BARD1: variants seen among roughly 807,000 people sequenced by gnomAD.
The protein encoded by BARD1 is BRCA1-associated RING domain protein 1.
In BARD1, 73 loss-of-function variants were observed where a neutral mutation model predicts 77.0. The observed-to-expected ratio is 0.95, with a 90% CI of 0.79 to 1.15. The LOEUF (loss-of-function observed/expected upper bound fraction) is 1.15. BARD1 is among the 50% of genes most tolerant of loss of function. The pLI, the probability that BARD1 is intolerant of heterozygous loss-of-function variation, is 0.00. For synonymous variants in BARD1, 384 were observed against 338.0 expected (o/e 1.14, Z -1.49); for missense variants, 993 against 938.8 (o/e 1.06, Z -0.75).
Position 214,809,399 on chromosome 2 carries a change from G to A in BARD1, c.158+13C>T, listed in dbSNP as rs1696451106. 1 of 1,612,262 alleles carries A rather than the reference G, an allele frequency of 6.2e-7. No homozygotes were observed. Among genetic ancestry groups the A allele is most frequent in the African/African-American group, 1.3e-5 (1 of 74,930 alleles). ...GTGCCCTCGCAGCCACCCCCAAGAA[G>A]CTCCGTCTTTACCAACGCGAGCAGC... On this transcript the variant is annotated intron_variant, in intron 1 of 10. Transcript: ENST00000260947.
At chr2:214,803,975 T>G (rs747163852) in intron 1 of BARD1, among the ~76,000 whole-genome samples, 21 of 152,168 alleles carry the variant, frequency 1.4e-4, no homozygotes, top group Non-Finnish European at 2.8e-4. Flanking sequence ...CCATCTGAGA[T>G]GATAATACCA....
In BARD1 at chr2:214,780,973, C is replaced by G; in HGVS notation, c.901G>C (p.Glu301Gln). 6.2e-7 allele frequency: 1 copy of G among 1,613,590 alleles called. No individual in the cohort carries two copies. Among genetic ancestry groups the G allele is most frequent in the Non-Finnish European group, 8.5e-7 (1 of 1,179,736 alleles). The change falls in exon 4 of 11, where the codon GAG (glutamate) becomes CAG (glutamine). Residue 301 changes from glutamate to glutamine, a missense_variant. By Grantham distance (29) the Glu-to-Gln change is conservative. Coordinates refer to ENST00000260947, the MANE Select transcript of BARD1 (RefSeq NM_000465.4). ...TKSRNEVVTP[E>Q]KVCKNYLTSK... ...GTAAGATAATTTTTGCAGACCTTCT[C>G]AGGAGTCACTACTTCATTCCTGCTC...
intron 7 of BARD1, 107 bp downstream of exon 7, chr2:214,752,336 ATTGT>A (rs1170453155): frequency 1.2e-6 from 1 of 848,812 alleles, no homozygotes; most frequent in Admixed American, 1.9e-5. Context: ...GTGCTCAATA[ATTGT>A]TTGGTGAATG....
Position 214,728,651 on chromosome 2 carries a change from T to A in BARD1, c.*25A>T, listed in dbSNP as rs748565548. ...CTCTCACAAACCGTGCAAATTCAAT[T>A]TGAAATGTTCATCTGGTATAATATT... On this transcript the variant is annotated 3_prime_UTR_variant, in exon 11 of 11. Transcript: ENST00000260947. The A allele has an allele frequency of 6.2e-7, 1 of 1,612,418 alleles. No homozygotes were observed. The highest frequency in any genetic ancestry group is 1.1e-5 in the South Asian group (1 of 90,976).
chr2:214,756,159 G>A (rs1208374968), intron 6 of BARD1, among the ~76,000 whole-genome samples: 1 of 152,118 alleles, frequency 6.6e-6, no homozygotes, highest in Non-Finnish European at 1.5e-5. Context: ...GAAGTGACTG[G>A]ATCATGGGGG....
chr2:214,798,749 G>A (rs1022409240), intron 1 of BARD1, among the ~76,000 whole-genome samples: 4 of 141,396 alleles, frequency 2.8e-5, no homozygotes, highest in African/African-American at 1.1e-4. Flanking sequence ...CACTCAGGCT[G>A]CGAATAACCA....
rs568305044 is a variant in BARD1, at chr2:214,780,756, C to T, written c.1118G>A (p.Gly373Asp). Reference protein sequence around the residue: ...SSPPSCKRKVGGTSGRKNSNM... With the variant: ...SSPPSCKRKVDGTSGRKNSNM... ...ACTGTTTTTCCTCCCTGATGTACCA[C>T]CAACTTTACGTTTGCATGAAGGTGG... is the stretch of plus-strand genomic sequence containing the variant. Residue 373 changes from glycine to aspartate, a missense_variant, in exon 4 of 11, where the codon GGT becomes GAT. Transcript: ENST00000260947. 2 of 1,614,024 alleles carry T rather than the reference C, an allele frequency of 1.2e-6. No homozygotes were observed. Among genetic ancestry groups the T allele is most frequent in the African/African-American group, 1.3e-5 (1 of 75,028 alleles).
At chr2:214,744,998 G>C in intron 9 of BARD1, 69 bp downstream of exon 9, 1 of 1,282,262 alleles carries the variant, frequency 7.8e-7, no homozygotes, top group African/African-American at 1.5e-5. Context: ...CTTAATCACA[G>C]GCATTAATAA....
intron 4 of BARD1, among the ~76,000 whole-genome samples, chr2:214,771,319 C>T (rs1464569559): frequency 6.6e-6 from 1 of 152,192 alleles, no homozygotes; most frequent in East Asian, 1.9e-4. Context: ...GAATAAATCT[C>T]TCCCCACCCA....
intron 6 of BARD1, among the ~76,000 whole-genome samples, chr2:214,760,345 G>A (rs1200752841): frequency 4.0e-5 from 6 of 151,680 alleles, no homozygotes; most frequent in East Asian, 2.0e-4. Flanking sequence ...GGCACACGCC[G>A]CCACACCCGG....
At chr2:214,788,704 A>G (rs1319926010) in intron 3 of BARD1, among the ~76,000 whole-genome samples, 4 of 152,114 alleles carry the variant, frequency 2.6e-5, no homozygotes, top group Admixed American at 6.6e-5. Flanking sequence ...TTGGAGAGAC[A>G]GCTTAGGAAT....
chr2:214,804,648 C>A (rs538083176), intron 1 of BARD1, among the ~76,000 whole-genome samples: 36 of 152,212 alleles, frequency 2.4e-4, no homozygotes, highest in African/African-American at 8.4e-4. Context: ...AGATGAGGAA[C>A]CAGAGTCCAG....
intron 1 of BARD1, among the ~76,000 whole-genome samples, chr2:214,800,811 A>G (rs922105841): frequency 6.6e-6 from 1 of 152,198 alleles, no homozygotes; most frequent in Admixed American, 6.5e-5. Flanking sequence ...CTCAAGGGTA[A>G]TAAGAGATGC....
chr2:214,753,274 T>C (rs1186491220), intron 6 of BARD1, among the ~76,000 whole-genome samples: 1 of 152,162 alleles, frequency 6.6e-6, no homozygotes, highest in Non-Finnish European at 1.5e-5. Context: ...TTCACTGAAA[T>C]TAAATATTGC....
intron 1 of BARD1, among the ~76,000 whole-genome samples, chr2:214,803,025 C>G (rs1286363722): frequency 6.6e-6 from 1 of 151,816 alleles, no homozygotes; most frequent in Non-Finnish European, 1.5e-5. Context: ...GACCCTACCC[C>G]CAACCCGGTG....
chr2:214,766,021 C>G (rs1694179672), intron 6 of BARD1, among the ~76,000 whole-genome samples: 1 of 152,086 alleles, frequency 6.6e-6, no homozygotes, highest in Non-Finnish European at 1.5e-5. Context: ...TTTTTGTGCC[C>G]TTTTCAAACC....
chr2:214,744,014 A>G (rs1015547480), intron 9 of BARD1, among the ~76,000 whole-genome samples: 1 of 152,184 alleles, frequency 6.6e-6, no homozygotes, highest in Non-Finnish European at 1.5e-5. Context: ...AATCTTTTGT[A>G]AACAATTAAT....
intron 9 of BARD1, among the ~76,000 whole-genome samples, chr2:214,734,106 GT>G (rs1692470348): frequency 2.6e-5 from 4 of 151,952 alleles, no homozygotes. Context: ...AAGATAATAG[GT>G]TTTTTGAATA....
At chr2:214,749,519 G>C (rs1252342522) in intron 7 of BARD1, among the ~76,000 whole-genome samples, 1 of 152,076 alleles carries the variant, frequency 6.6e-6, no homozygotes, top group African/African-American at 2.4e-5. Flanking sequence ...TTTTCTGAAA[G>C]GCACTGCCAC....
Sources: allele counts gnomAD v4.1 joint callset (sites outside exome capture counted in the v4.1 genomes callset), GRCh38; gene constraint gnomAD v4.1.1; transcripts MANE v1.5; gene names NCBI Gene and HGNC (gene_info 2026-07-23, HGNC 2026-07-21).